Variants in HECW1 observed in about 807,000 individuals in gnomAD.
HECW1 encodes the protein HECT, C2 and WW domain containing E3 ubiquitin protein ligase 1, also known as E3 ubiquitin-protein ligase HECW1.
A neutral mutation model predicts 182.3 loss-of-function variants in HECW1; 61 were observed. That is an observed-to-expected ratio of 0.33 (90% CI 0.27 to 0.41). The LOEUF is 0.41. HECW1 is among the 10% of genes least tolerant of loss of function. The pLI is 1.00. For missense variants in HECW1, 1,739 were observed against 2,108.9 expected (o/e 0.82, Z 3.44); for synonymous variants, 859 against 832.6 (o/e 1.03, Z -0.55).
At chr7:43,411,052 T>C (rs2075787487) in intron 8 of HECW1, among the ~76,000 whole-genome samples, 2 of 151,734 alleles carry the variant, frequency 1.3e-5, no homozygotes, top group Non-Finnish European at 2.9e-5. Flanking sequence ...TCTATTTTTT[T>C]TTTTTTAGCT....
At chr7:43,331,362 G>A (rs184905239) in intron 5 of HECW1, among the ~76,000 whole-genome samples, 113 of 152,048 alleles carry the variant, frequency 7.4e-4, no homozygotes, top group African/African-American at 2.6e-3. Flanking sequence ...AGGCTGAGGC[G>A]GGCGGATCAC....
chr7:43,501,286 C>T lies in HECW1; in HGVS notation c.3595C>T (p.Arg1199Ter). ...CCACCCTGGGTATAGCTTCTCTCCC[C>T]GATGTTCACCCTGTTCTTCACCTCA... ...AFHPGYSFSPRCSPCSSPQNS... is the reference protein window; with the variant it reads ...AFHPGYSFSP Residue 1199 changes from arginine to a stop codon, truncating the protein, a stop_gained, in exon 21 of 30, where the codon CGA (arginine) becomes TGA (stop). Transcript: ENST00000395891. LOFTEE classifies it high-confidence loss of function. The T allele has an allele frequency of 6.2e-7, 1 of 1,610,490 alleles. No homozygotes were observed. The highest frequency in any genetic ancestry group is 8.5e-7 in the Non-Finnish European group (1 of 1,177,588).
chr7:43,179,386 T>C (rs1792577257), intron 2 of HECW1, among the ~76,000 whole-genome samples: 1 of 152,230 alleles, frequency 6.6e-6, no homozygotes, highest in African/African-American at 2.4e-5. Context: ...CAACCTTTGC[T>C]TGAATTATGC....
At chr7:43,381,789 G>C (rs1245290886) in intron 6 of HECW1, among the ~76,000 whole-genome samples, 1 of 152,130 alleles carries the variant, frequency 6.6e-6, no homozygotes. Context: ...CTCACAAAGT[G>C]CTGGGATTAT....
At chr7:43,450,089 TTC>T (rs2077183198) in intron 11 of HECW1, among the ~76,000 whole-genome samples, 1 of 152,164 alleles carries the variant, frequency 6.6e-6, no homozygotes, top group Non-Finnish European at 1.5e-5. Flanking sequence ...TCTTTCCCAT[TTC>T]TGTGTTTTGA....
In HECW1 at chr7:43,460,086, GT is replaced by G. The variant is rs113973615; in HGVS notation, c.2652-3568del. On this transcript the variant is annotated intron_variant, in intron 13 of 29. Transcript: ENST00000395891. The stretch of plus-strand genomic sequence containing the variant: ...TGTTTTGCTTATTGCTTTTGTCACT[GT>G]TTTTTGTCACAAGGGCCTGCTAAAT... 7.0e-3 allele frequency among the ~76,000 whole-genome samples: 1,070 copies of G among 152,296 alleles called. 9 individuals carry two copies. The highest frequency in any genetic ancestry group is 0.024 in the African/African-American group (1,015 of 41,566).
chr7:43,227,598 AGTTT>A (rs1797541203), intron 2 of HECW1, among the ~76,000 whole-genome samples: 1 of 152,216 alleles, frequency 6.6e-6, no homozygotes, highest in Admixed American at 6.5e-5. Flanking sequence ...ATTCATATAT[AGTTT>A]ATGATGTTAT....
At chr7:43,426,264 A>G (rs2076361286) in intron 8 of HECW1, among the ~76,000 whole-genome samples, 1 of 152,238 alleles carries the variant, frequency 6.6e-6, no homozygotes, top group Admixed American at 6.5e-5. Flanking sequence ...GAAAACATAC[A>G]AAATACATAG....
At chr7:43,267,358 G>A (rs1801913294) in intron 3 of HECW1, among the ~76,000 whole-genome samples, 1 of 151,960 alleles carries the variant, frequency 6.6e-6, no homozygotes, top group Admixed American at 6.6e-5. Context: ...AGTACTATTG[G>A]CCAAAGGGGA....
Position 43,499,296 on chromosome 7 carries a change from A to C in HECW1, c.3438-1403A>C, listed in dbSNP as rs117672588. ...AGACCCTGTCTCAAAAAAATAAAAA[A>C]TTTTTTAAAGAAAATACAAAAACCT... On this transcript the variant is annotated intron_variant, in intron 19 of 29. Transcript: ENST00000395891. Among the ~76,000 whole-genome samples, 19 of 152,058 alleles carry C rather than the reference A, an allele frequency of 1.2e-4. No individual in the cohort carries two copies. In the East Asian group the frequency reaches 3.7e-3, roughly 29 times the overall value.
intron 2 of HECW1, among the ~76,000 whole-genome samples, chr7:43,138,538 G>T (rs146978909): frequency 6.6e-6 from 1 of 152,164 alleles, no homozygotes; most frequent in Non-Finnish European, 1.5e-5. Context: ...TTATAAAAAC[G>T]CCTTGCTTTT....
intron 2 of HECW1, among the ~76,000 whole-genome samples, chr7:43,133,649 C>G (rs1787197998): frequency 6.6e-6 from 1 of 151,884 alleles, no homozygotes; most frequent in African/African-American, 2.4e-5. Flanking sequence ...TACTCTGTCC[C>G]TTACTCTCTC....
At chr7:43,370,535 A>G (rs1423453650) in intron 6 of HECW1, among the ~76,000 whole-genome samples, 1 of 152,250 alleles carries the variant, frequency 6.6e-6, no homozygotes, top group Non-Finnish European at 1.5e-5. Context: ...TTATGTCCAT[A>G]CAAACATCTT....
At chr7:43,455,421 C>T (rs2077368538) in intron 12 of HECW1, among the ~76,000 whole-genome samples, 1 of 152,174 alleles carries the variant, frequency 6.6e-6, no homozygotes, top group South Asian at 2.1e-4. Flanking sequence ...CATCTAAATT[C>T]GCACATCCAA....
intron 8 of HECW1, among the ~76,000 whole-genome samples, chr7:43,420,749 G>T (rs1045913689): frequency 6.6e-6 from 1 of 152,126 alleles, no homozygotes; most frequent in African/African-American, 2.4e-5. Flanking sequence ...CTGCAGAGGA[G>T]GAATATGGTT....
chr7:43,293,679 A>C (rs1296818200), intron 3 of HECW1, among the ~76,000 whole-genome samples: 3 of 152,172 alleles, frequency 2.0e-5, no homozygotes, highest in Non-Finnish European at 2.9e-5. Context: ...TCCAGATCTG[A>C]AGAAAGCCTC....
chr7:43,381,712 CAG>C (rs769297616), intron 6 of HECW1, among the ~76,000 whole-genome samples: 19 of 152,126 alleles, frequency 1.2e-4, no homozygotes, highest in Non-Finnish European at 2.1e-4. Flanking sequence ...TCAGTAGAGA[CAG>C]AGTTTCACCA....
In HECW1 at chr7:43,137,611, A is replaced by G. The variant is rs527499839; in HGVS notation, c.-32+23220A>G. On this transcript the variant is annotated intron_variant, in intron 2 of 29. Coordinates refer to ENST00000395891, the MANE Select transcript of HECW1 (RefSeq NM_015052.5). ...GTCATCCAGGCTGGAGTGCAGTGGT[A>G]CAATCACGGCTCACTGCAACCCACA... Among the ~76,000 whole-genome samples, 4 of 151,904 alleles carry G rather than the reference A, an allele frequency of 2.6e-5. No homozygotes were observed. In the East Asian group the frequency reaches 7.7e-4, roughly 29 times the overall value.
chr7:43,297,113 A>G (rs1156293138), intron 3 of HECW1, among the ~76,000 whole-genome samples: 2 of 152,174 alleles, frequency 1.3e-5, no homozygotes, highest in Non-Finnish European at 2.9e-5. Flanking sequence ...TTTTCATCTC[A>G]TGCATTCAGC....
Sources: gnomAD v4.1 joint callset for allele counts (sites outside exome capture counted in the v4.1 genomes callset) on GRCh38, gnomAD v4.1.1 for gene constraint, MANE v1.5 for transcripts, NCBI Gene and HGNC (gene_info 2026-07-23, HGNC 2026-07-21) for gene names.